PALD1: variants seen among roughly 807,000 people sequenced by gnomAD.
The protein encoded by PALD1 is paladin.
PALD1 carries 57 observed loss-of-function variants against 96.0 expected under a neutral mutation model. The ratio of observed to expected loss-of-function variants is 0.59; its 90% CI spans 0.48 to 0.74. The LOEUF (loss-of-function observed/expected upper bound fraction) is 0.74. Ranked by LOEUF, PALD1 falls within the 30% of genes least tolerant of loss-of-function variation. PALD1 has a pLI of 0.00. For missense variants in PALD1, 1,063 were observed against 1,143.7 expected (o/e 0.93, Z 1.02); for synonymous variants, 464 against 473.6 (o/e 0.98, Z 0.26).
At position 70,529,455 on chromosome 10, in the gene PALD1, C is replaced by G. The variant is rs534037874; in HGVS notation, c.288+124C>G. ...CCCGTCTCTCTGCCCATTTTCAGAA[C>G]GGGCAGGGCCCTAGGATGGAGCTAG... is the stretch of plus-strand genomic sequence containing the variant. On this transcript the variant is annotated intron_variant, in intron 3 of 19. Coordinates refer to ENST00000263563, the MANE Select transcript of PALD1 (RefSeq NM_014431.3). 91 of 626,398 alleles carry G rather than the reference C, an allele frequency of 1.5e-4. No homozygotes were observed. The African/African-American group carries it at 1.5e-3, about 10-fold the overall frequency. 38.8% of individuals were successfully genotyped at this position (626,398 alleles called of 1,614,324 possible). A position where few individuals can be genotyped will look rare whatever the true frequency, so the allele number is the denominator to read the frequency against.
chr10:70,478,400 G>T (rs1411183696), upstream of PALD1, among the ~76,000 whole-genome samples: 2 of 152,218 alleles, frequency 1.3e-5, no homozygotes, highest in Admixed American at 6.5e-5. Context: ...GGGCCAGCGG[G>T]TGTCGCGGGT....
intron 1 of PALD1, among the ~76,000 whole-genome samples, chr10:70,521,601 C>T (rs979424693): frequency 4.6e-5 from 7 of 151,890 alleles, no homozygotes; most frequent in Non-Finnish European, 8.8e-5. Context: ...GGCATGATCT[C>T]GGCTCACTGC....
the PALD1 span, among the ~76,000 whole-genome samples, chr10:70,467,534 C>T: frequency 1.3e-5 from 2 of 152,096 alleles, no homozygotes; most frequent in Admixed American, 1.3e-4. Context: ...GCACAGTTCG[C>T]GGGGAAGCGG....
chr10:70,503,332 A>G (rs1221469746), intron 1 of PALD1, among the ~76,000 whole-genome samples: 4 of 152,126 alleles, frequency 2.6e-5, no homozygotes, highest in Non-Finnish European at 5.9e-5. Flanking sequence ...AAAATAATCC[A>G]TATGTTGAAT....
At position 70,541,525 on chromosome 10, in the gene PALD1, T is replaced by G. The variant is rs753009453; in HGVS notation, c.2112T>G (p.Gly704=). ...VSVPDAKFTK[G]EFQVVMKVVQ... ...TGCCTGATGCCAAGTTCACTAAGGG[T>G]GAATTTCAGGTGAGCATGCCCTGCG... The change falls in exon 17 of 20, where the codon GGT becomes GGG. Residue 704 remains glycine (G), a synonymous_variant. Coordinates refer to ENST00000263563, the MANE Select transcript of PALD1 (RefSeq NM_014431.3). The G allele has an allele frequency of 6.2e-7, 1 of 1,612,984 alleles. No homozygotes were observed. Among genetic ancestry groups the G allele is most frequent in the East Asian group, 2.2e-5 (1 of 44,846 alleles).
intron 17 of PALD1, among the ~76,000 whole-genome samples, chr10:70,545,747 A>G (rs1021282295): frequency 6.7e-6 from 1 of 149,238 alleles, no homozygotes; most frequent in Non-Finnish European, 1.5e-5. Flanking sequence ...TGGGGTGGGG[A>G]ATTATATCAG....
Position 70,567,567 on chromosome 10 carries a change from G to A in PALD1, c.*834G>A, listed in dbSNP as rs1847879737. On this transcript the variant is annotated 3_prime_UTR_variant, in exon 20 of 20. Coordinates refer to ENST00000263563, the MANE Select transcript of PALD1 (RefSeq NM_014431.3). Reference sequence around the variant, plus strand: ...CCCGGCATCTCTCTCTGTCCCGGCAGCCCAGGATGGCCTGGTGCCCCCACC... The same window carrying A: ...CCCGGCATCTCTCTCTGTCCCGGCAACCCAGGATGGCCTGGTGCCCCCACC... 6.5e-6 allele frequency: 1 copy of A among 152,964 alleles called. No homozygotes were observed. The highest frequency in any genetic ancestry group is 2.4e-5 in the African/African-American group (1 of 41,456). The allele number at this position is 152,964 out of a possible 1,614,324, so 9.5% of individuals were successfully genotyped here.
intron 10 of PALD1, 98 bp from the exon 11 acceptor site, chr10:70,537,713 T>C: frequency 2.7e-6 from 2 of 754,306 alleles, no homozygotes; most frequent in Non-Finnish European, 4.7e-6. Flanking sequence ...GACTGTCTTC[T>C]GGGGAGTTCC....
rs61307157 is a variant in PALD1, at chr10:70,508,843, C to CTGTGTGTGTGTG, written c.-29-17077_-29-17066dup. Among the ~76,000 whole-genome samples, 13 of 94,606 alleles carry CTGTGTGTGTGTG rather than the reference C, an allele frequency of 1.4e-4. No individual in the cohort carries two copies. The East Asian group carries it at 2.5e-3, about 18-fold the overall frequency. 62.1% of individuals were successfully genotyped at this position (94,606 alleles called of 152,430 possible). ...TGCAGGCCTGTGGGAGCTGCGGAAC[C>CTGTGTGTGTGTG]TGTGTGTGTGTGTGCAGGCCTGTGG... On this transcript the variant is annotated intron_variant, in intron 1 of 19. Transcript: ENST00000263563.
intron 1 of PALD1, among the ~76,000 whole-genome samples, chr10:70,480,332 AG>A (rs1319327178): frequency 6.6e-6 from 1 of 152,202 alleles, no homozygotes. Context: ...TAGGAGGTTC[AG>A]AGGTAAGCAG....
chr10:70,490,578 A>G (rs957468504), intron 1 of PALD1, among the ~76,000 whole-genome samples: 3 of 152,246 alleles, frequency 2.0e-5, no homozygotes, highest in African/African-American at 4.8e-5. Flanking sequence ...TTACAAAACT[A>G]TTAAAAAAAC....
rs1027304048 is a variant in PALD1 at position 70,512,431 on chromosome 10, C to T, written c.-29-13492C>T. On this transcript the variant is annotated intron_variant, in intron 1 of 19. Transcript: ENST00000263563. ...GACCAGAAAGCCACATGCTGTAGGC[C>T]AGGAAGGGGGAAGCAGGGGCTGAGC... Among the ~76,000 whole-genome samples, 9 of 152,204 alleles carry T rather than the reference C, an allele frequency of 5.9e-5. No homozygotes were observed. In the South Asian group the frequency reaches 1.0e-3, roughly 18 times the overall value.
chr10:70,553,577 C>T (rs1185550737), intron 18 of PALD1, among the ~76,000 whole-genome samples: 1 of 152,196 alleles, frequency 6.6e-6, no homozygotes, highest in Non-Finnish European at 1.5e-5. Context: ...TTACGACCAC[C>T]GTCCTCACTT....
Position 70,495,371 on chromosome 10 carries a change from C to A in PALD1, c.-30+16312C>A, listed in dbSNP as rs189858274. On this transcript the variant is annotated intron_variant, in intron 1 of 19. Transcript: ENST00000263563. Reference sequence around the variant, plus strand: ...TCTCCTTCTCTTGTTGGAAGATCTGCTCCATGAGGGTCCGGGTCTGTGCCT... The same window carrying A: ...TCTCCTTCTCTTGTTGGAAGATCTGATCCATGAGGGTCCGGGTCTGTGCCT... Among the ~76,000 whole-genome samples, 1,076 of 149,986 alleles carry A rather than the reference C, an allele frequency of 7.2e-3. 27 individuals are homozygous for A. Among genetic ancestry groups the A allele is most frequent in the Non-Finnish European group, 4.3e-3 (288 of 67,398 alleles).
At chr10:70,535,387 T>C (rs1353571502) in intron 10 of PALD1, among the ~76,000 whole-genome samples, 1 of 122,232 alleles carries the variant, frequency 8.2e-6, no homozygotes, top group Admixed American at 8.1e-5. Flanking sequence ...CTCCTTCTCC[T>C]CCCCCCTCTT....
At chr10:70,519,413 G>C (rs1026689461) in intron 1 of PALD1, among the ~76,000 whole-genome samples, 1 of 151,956 alleles carries the variant, frequency 6.6e-6, no homozygotes, top group Non-Finnish European at 1.5e-5. Context: ...CCTTCTTGCC[G>C]TATCCTCAGA....
At chr10:70,533,301 C>G (rs1382160686) in intron 7 of PALD1, among the ~76,000 whole-genome samples, 1 of 151,670 alleles carries the variant, frequency 6.6e-6, no homozygotes, top group Non-Finnish European at 1.5e-5. Flanking sequence ...ATGTGTCTCT[C>G]TGTGTGTCTG....
the PALD1 span, among the ~76,000 whole-genome samples, chr10:70,468,433 G>C: frequency 2.0e-5 from 3 of 152,010 alleles, no homozygotes; most frequent in Admixed American, 2.0e-4. Flanking sequence ...TAGTAGAGAG[G>C]AGGTGTCACC....
At chr10:70,556,065 T>C (rs1209537904) in intron 18 of PALD1, among the ~76,000 whole-genome samples, 1 of 151,994 alleles carries the variant, frequency 6.6e-6, no homozygotes, top group Non-Finnish European at 1.5e-5. Flanking sequence ...TTCCAATAAG[T>C]AATGTGTCTT....
Sources: gnomAD v4.1 joint callset for allele counts (sites outside exome capture counted in the v4.1 genomes callset) on GRCh38, gnomAD v4.1.1 for gene constraint, MANE v1.5 for transcripts, NCBI Gene and HGNC (gene_info 2026-07-23, HGNC 2026-07-21) for gene names.